STXBP5L: variants seen among roughly 807,000 people sequenced by gnomAD.
STXBP5L encodes syntaxin binding protein 5L, also known as syntaxin-binding protein 5-like.
In STXBP5L, 65 loss-of-function variants were observed where a neutral mutation model predicts 144.5. The ratio of observed to expected loss-of-function variants is 0.45; its 90% CI spans 0.37 to 0.55. The LOEUF (loss-of-function observed/expected upper bound fraction) is 0.55. Among genes scored for constraint, STXBP5L ranks in the 20% least tolerant of loss-of-function variants. STXBP5L has a pLI of 0.00. For missense variants in STXBP5L, 1,298 were observed against 1,405.5 expected, an observed-to-expected ratio of 0.92 and a Z score of 1.22; for synonymous variants, 505 against 469.6, an observed-to-expected ratio of 1.08 and a Z score of -0.97.
intron 2 of STXBP5L, among the ~76,000 whole-genome samples, chr3:120,943,609 G>T (rs1228280797): frequency 6.6e-6 from 1 of 151,554 alleles, no homozygotes; most frequent in Admixed American, 6.6e-5. Context: ...ATCTTATTTA[G>T]TGTTTTGCAC....
chr3:121,056,049 C>T (rs1314415299), intron 5 of STXBP5L, among the ~76,000 whole-genome samples: 12 of 152,000 alleles, frequency 7.9e-5, no homozygotes, highest in African/African-American at 2.4e-5. Context: ...AAGCTATCCT[C>T]CTGCCTTGGC....
intron 5 of STXBP5L, among the ~76,000 whole-genome samples, chr3:121,108,589 T>C (rs2043824254): frequency 6.6e-6 from 1 of 152,110 alleles, no homozygotes; most frequent in Admixed American, 6.6e-5. Context: ...TAGATAAACT[T>C]TTTGATGTGC....
At chr3:121,046,434 G>A (rs541397552) in intron 5 of STXBP5L, among the ~76,000 whole-genome samples, 1 of 152,178 alleles carries the variant, frequency 6.6e-6, no homozygotes, top group East Asian at 1.9e-4. Flanking sequence ...AGTTAGAATG[G>A]TACAAGCTAT....
At chr3:121,332,577 A>C (rs770291136) in intron 20 of STXBP5L, among the ~76,000 whole-genome samples, 39 of 152,042 alleles carry the variant, frequency 2.6e-4, no homozygotes, top group Non-Finnish European at 3.8e-4. Context: ...AACAAAAATA[A>C]GTTTAAAAAA....
chr3:121,274,700 C>A (rs1333681982), intron 18 of STXBP5L, among the ~76,000 whole-genome samples: 2 of 152,208 alleles, frequency 1.3e-5, no homozygotes, highest in African/African-American at 4.8e-5. Context: ...TTGGCATTGA[C>A]ACCAATGTCT....
chr3:121,224,196 A>G (rs1006525593), intron 11 of STXBP5L, among the ~76,000 whole-genome samples: 45 of 152,166 alleles, frequency 3.0e-4, no homozygotes, highest in African/African-American at 1.0e-3. Context: ...GTTTGTAGAA[A>G]GAGAATAGTA....
intron 20 of STXBP5L, among the ~76,000 whole-genome samples, chr3:121,338,592 CAAAAAA>C (rs112967595): frequency 4.9e-5 from 5 of 101,686 alleles, no homozygotes; most frequent in South Asian, 3.3e-4. Context: ...GCATTTCTGT[CAAAAAA>C]AAAAAAAAAA....
intron 7 of STXBP5L, among the ~76,000 whole-genome samples, chr3:121,124,654 G>A (rs1407907653): frequency 2.6e-5 from 4 of 151,810 alleles, no homozygotes; most frequent in Non-Finnish European, 5.9e-5. Flanking sequence ...ATCATTGAAT[G>A]TTTTGTTTTT....
intron 7 of STXBP5L, among the ~76,000 whole-genome samples, chr3:121,123,853 C>T (rs1280032433): frequency 1.3e-5 from 2 of 151,612 alleles, no homozygotes; most frequent in African/African-American, 4.8e-5. Flanking sequence ...AGTCTTTTGT[C>T]ACAGAAGTTT....
chr3:121,096,102 C>G (rs576475365), intron 5 of STXBP5L, among the ~76,000 whole-genome samples: 3 of 149,024 alleles, frequency 2.0e-5, no homozygotes, highest in East Asian at 3.9e-4. Flanking sequence ...GCTGTACCCA[C>G]TATCCTGCCC....
chr3:121,372,775 A>C (rs2046071565), intron 20 of STXBP5L, among the ~76,000 whole-genome samples: 1 of 151,952 alleles, frequency 6.6e-6, no homozygotes, highest in Admixed American at 6.5e-5. Flanking sequence ...GGCTGCATCT[A>C]GTCAGCCATC....
intron 9 of STXBP5L, among the ~76,000 whole-genome samples, chr3:121,173,884 T>A (rs1380222867): frequency 6.7e-6 from 1 of 148,858 alleles, no homozygotes; most frequent in Non-Finnish European, 1.5e-5. Flanking sequence ...ATTTCCAGCA[T>A]CAGTAGTGGC....
At chr3:121,110,482 A>C (rs572733459) in intron 5 of STXBP5L, among the ~76,000 whole-genome samples, 1 of 152,254 alleles carries the variant, frequency 6.6e-6, no homozygotes, top group Non-Finnish European at 1.5e-5. Context: ...TCCTTCACTT[A>C]TGAAGCTTCA....
intron 2 of STXBP5L, among the ~76,000 whole-genome samples, chr3:120,952,079 C>G (rs1201714834): frequency 6.6e-6 from 1 of 150,712 alleles, no homozygotes; most frequent in African/African-American, 2.4e-5. Context: ...ACCGCATATT[C>G]TCACTCATAG....
At chr3:120,974,350 G>T (rs1373004561) in intron 3 of STXBP5L, among the ~76,000 whole-genome samples, 1 of 151,986 alleles carries the variant, frequency 6.6e-6, no homozygotes, top group Non-Finnish European at 1.5e-5. Context: ...CTTTTGAGAA[G>T]TGTCTGTTCA....
intron 10 of STXBP5L, among the ~76,000 whole-genome samples, chr3:121,214,903 A>T (rs1451344569): frequency 6.6e-6 from 1 of 152,096 alleles, no homozygotes; most frequent in African/African-American, 2.4e-5. Context: ...TATTGGTTGC[A>T]TATATATTTA....
At chr3:121,133,956 A>C (rs1559783865) in intron 7 of STXBP5L, among the ~76,000 whole-genome samples, 1 of 152,198 alleles carries the variant, frequency 6.6e-6, no homozygotes, top group Non-Finnish European at 1.5e-5. Context: ...ACCTGCCACC[A>C]GTTCCCAACC....
chr3:120,951,404 A>C (rs1402818781), intron 2 of STXBP5L, among the ~76,000 whole-genome samples: 3 of 152,172 alleles, frequency 2.0e-5, no homozygotes, highest in African/African-American at 7.2e-5. Context: ...CAACCTACTC[A>C]TCTGACAAAG....
intron 3 of STXBP5L, among the ~76,000 whole-genome samples, chr3:120,965,468 C>A (rs577361334): frequency 6.6e-6 from 1 of 152,224 alleles, no homozygotes; most frequent in South Asian, 2.1e-4. Flanking sequence ...TTAAGGCAGG[C>A]CTGGTGTGAC....
Sources: allele counts gnomAD v4.1 joint callset (sites outside exome capture counted in the v4.1 genomes callset), GRCh38; gene constraint gnomAD v4.1.1; transcripts MANE v1.5; gene names NCBI Gene and HGNC (gene_info 2026-07-23, HGNC 2026-07-21).